Variants in TEAD4 observed in about 807,000 individuals in gnomAD.
TEAD4 encodes the protein TEA domain transcription factor 4, also known as transcriptional enhancer factor TEF-3.
TEAD4 carries 36 observed loss-of-function variants against 52.4 expected under a neutral mutation model. The observed-to-expected ratio is 0.69, with a 90% CI of 0.53 to 0.91. The LOEUF (loss-of-function observed/expected upper bound fraction) is 0.91, where lower values mean the gene tolerates loss of function less well. TEAD4 is among the 40% of genes least tolerant of loss of function. The pLI, the probability that TEAD4 is intolerant of heterozygous loss-of-function variation, is 0.00. For missense variants in TEAD4, 508 were observed against 583.9 expected, an observed-to-expected ratio of 0.87 and a Z score of 1.34; for synonymous variants, 220 against 231.0, an observed-to-expected ratio of 0.95 and a Z score of 0.43.
At chr12:2,992,924 C>T (rs1016322990) in intron 2 of TEAD4, among the ~76,000 whole-genome samples, 2 of 152,188 alleles carry the variant, frequency 1.3e-5, no homozygotes, top group African/African-American at 4.8e-5. Context: ...GGATTTGTCT[C>T]ATGTTAGGGG....
intron 2 of TEAD4, among the ~76,000 whole-genome samples, chr12:2,961,351 A>C (rs981339579): frequency 6.6e-6 from 1 of 151,914 alleles, no homozygotes; most frequent in Non-Finnish European, 1.5e-5. Flanking sequence ...GAGGGCTTCA[A>C]CGTGGATATC....
chr12:2,976,754 G>A (rs1396012609), intron 2 of TEAD4, among the ~76,000 whole-genome samples: 2 of 126,452 alleles, frequency 1.6e-5, no homozygotes, highest in Admixed American at 7.6e-5. Flanking sequence ...ATGGGATGCT[G>A]GGTCCAGGCA....
intron 6 of TEAD4, 53 bp from the exon 7 acceptor site, chr12:3,018,492 G>C: frequency 6.2e-7 from 1 of 1,609,970 alleles, no homozygotes; most frequent in Non-Finnish European, 8.5e-7. Flanking sequence ...CCACACCACA[G>C]GGCCCCGGGT....
chr12:3,037,889 G>C (rs1273356192), intron 10 of TEAD4, 79 bp from the exon 11 acceptor site: 1 of 1,527,812 alleles, frequency 6.5e-7, no homozygotes, highest in Admixed American at 2.0e-5. Flanking sequence ...CCGGGACCGG[G>C]ACCCTGAGGT....
chr12:2,979,167 C>T (rs1430978757), intron 2 of TEAD4, among the ~76,000 whole-genome samples: 1 of 152,188 alleles, frequency 6.6e-6, no homozygotes, highest in Non-Finnish European at 1.5e-5. Flanking sequence ...CTGCCTGCCT[C>T]GGCCTCCCAA....
At chr12:3,028,184 G>A (rs1457342882) in intron 10 of TEAD4, among the ~76,000 whole-genome samples, 2 of 152,146 alleles carry the variant, frequency 1.3e-5, no homozygotes, top group East Asian at 1.9e-4. Flanking sequence ...CCAAATGTAC[G>A]GAGAGTCCAC....
At chr12:2,971,364 A>C (rs1405607900) in intron 2 of TEAD4, among the ~76,000 whole-genome samples, 1 of 152,170 alleles carries the variant, frequency 6.6e-6, no homozygotes, top group African/African-American at 2.4e-5. Context: ...ACTATCCTTG[A>C]GAAGACAGAG....
intron 3 of TEAD4, among the ~76,000 whole-genome samples, chr12:3,002,883 C>A (rs1044097162): frequency 1.3e-5 from 2 of 152,068 alleles, no homozygotes; most frequent in Admixed American, 6.6e-5. Flanking sequence ...GCCTCAGAGC[C>A]CTCCAGGGAC....
chr12:3,011,719 G>T (rs10774093), intron 4 of TEAD4, among the ~76,000 whole-genome samples: 4,594 of 152,250 alleles, frequency 0.03, 291 homozygotes, highest in East Asian at 0.19. Flanking sequence ...AGGCTGGAGT[G>T]CAGTGGCGCA....
intron 3 of TEAD4, among the ~76,000 whole-genome samples, chr12:2,998,538 C>T (rs374049874): frequency 2.6e-5 from 4 of 151,266 alleles, no homozygotes; most frequent in South Asian, 2.1e-4. Context: ...TGGGGACGCT[C>T]GGGAGGGCCT....
In TEAD4 at chr12:3,040,518, C is replaced by T. The variant is rs1193871295; in HGVS notation, c.*40C>T. ...AGGGAGGGGGGAAGAGACGTGTGTG[C>T]AGGAAACGGGGACGTGGGGAGGGGA... On this transcript the variant is annotated 3_prime_UTR_variant, in exon 13 of 13. Transcript: ENST00000359864. 3 of 1,582,088 alleles carry T rather than the reference C, an allele frequency of 1.9e-6. No homozygotes were observed. The highest frequency in any genetic ancestry group is 2.2e-5 in the South Asian group (2 of 89,648).
At chr12:2,975,205 G>A (rs2098228564) in intron 2 of TEAD4, among the ~76,000 whole-genome samples, 1 of 149,328 alleles carries the variant, frequency 6.7e-6, no homozygotes, top group Admixed American at 6.7e-5. Context: ...ATAATTTTGA[G>A]TAGTTTGGGG....
chr12:3,023,100 G>A (rs2098269804), intron 10 of TEAD4, among the ~76,000 whole-genome samples: 2 of 152,216 alleles, frequency 1.3e-5, no homozygotes, highest in South Asian at 4.1e-4. Context: ...TCCAGAAGGG[G>A]CAAGTGTTGG....
intron 2 of TEAD4, among the ~76,000 whole-genome samples, chr12:2,963,472 A>G (rs1306879715): frequency 1.3e-5 from 2 of 152,094 alleles, no homozygotes; most frequent in Non-Finnish European, 2.9e-5. Flanking sequence ...CTCCCTTTAA[A>G]GCTCTGAAAT....
At chr12:3,033,355 C>T (rs1267125605) in intron 10 of TEAD4, among the ~76,000 whole-genome samples, 1 of 152,304 alleles carries the variant, frequency 6.6e-6, no homozygotes, top group African/African-American at 2.4e-5. Flanking sequence ...CGCCACGGGG[C>T]CTGGAGCGAG....
intron 3 of TEAD4, 141 bp from the exon 4 acceptor site, chr12:3,010,863 A>C (rs2098259748): frequency 1.2e-6 from 1 of 851,010 alleles, no homozygotes; most frequent in Non-Finnish European, 1.9e-6. Flanking sequence ...GAGGGAACCC[A>C]CAGAATCCTC....
At chr12:2,991,716 A>G (rs908749320) in intron 2 of TEAD4, among the ~76,000 whole-genome samples, 2 of 148,666 alleles carry the variant, frequency 1.3e-5, no homozygotes, top group African/African-American at 4.9e-5. Flanking sequence ...TTTCATGTTC[A>G]GGATAGAATC....
chr12:3,021,686 A>C (rs1483179253), intron 9 of TEAD4, among the ~76,000 whole-genome samples, 158 bp from the exon 10 acceptor site: 2 of 152,202 alleles, frequency 1.3e-5, no homozygotes, highest in Non-Finnish European at 2.9e-5. Context: ...AAACAAAAGG[A>C]GTAGACTTTT....
chr12:2,988,388 G>A (rs903372129), intron 2 of TEAD4, among the ~76,000 whole-genome samples: 7 of 149,854 alleles, frequency 4.7e-5, no homozygotes, highest in African/African-American at 9.8e-5. Context: ...GTGAGGTGGC[G>A]GGTGCCTATA....
Sources: allele counts gnomAD v4.1 joint callset (sites outside exome capture counted in the v4.1 genomes callset), GRCh38; gene constraint gnomAD v4.1.1; transcripts MANE v1.5; gene names NCBI Gene and HGNC (gene_info 2026-07-23, HGNC 2026-07-21).